PHKA1: variants seen among roughly 807,000 people sequenced by gnomAD.
The protein encoded by PHKA1 is phosphorylase b kinase regulatory subunit alpha, skeletal muscle isoform.
Under a neutral mutation model 110.2 loss-of-function variants are expected in PHKA1, and 60 were observed. The observed-to-expected ratio is 0.54, with a 90% confidence interval of 0.44 to 0.68. The LOEUF is 0.68. Among genes scored for constraint, PHKA1 ranks in the 30% least tolerant of loss-of-function variants. The pLI is 0.00. For missense variants in PHKA1, 801 were observed against 942.5 expected, an observed-to-expected ratio of 0.85 and a Z score of 1.97; for synonymous variants, 316 against 333.6, an observed-to-expected ratio of 0.95 and a Z score of 0.58.
chrX:72,616,881 T>G (rs2052905273), intron 21 of PHKA1, among the ~76,000 whole-genome samples: 1 of 111,761 alleles, frequency 8.9e-6, no homozygotes, highest in South Asian at 3.7e-4. Context: ...ACAAGGAAAT[T>G]AAACATGCTC....
intron 4 of PHKA1, among the ~76,000 whole-genome samples, chrX:72,685,513 T>C (rs141672827): frequency 2.1e-3 from 230 of 112,095 alleles, no homozygotes; most frequent in African/African-American, 7.0e-3. Flanking sequence ...TTTAAAGTTA[T>C]ATTAAAAAGC....
In PHKA1 at chrX:72,585,363, G is replaced by C. The variant is rs1314387572; in HGVS notation, c.3244-1061C>G. ...TTTTCATCTGTGGATGTAGAGTTTG[G>C]ATCACTTTTCAGAAATGGCAAGTGT... On this transcript the variant is annotated intron_variant, in intron 29 of 31. Transcript: ENST00000373542. Among the ~76,000 whole-genome samples the C allele has an allele frequency of 2.7e-5, 3 of 111,677 alleles. No individual in the cohort carries two copies. In the East Asian group the frequency reaches 8.4e-4, roughly 31 times the overall value.
At chrX:72,651,858 C>T (rs1473314316) in intron 12 of PHKA1, among the ~76,000 whole-genome samples, 2 of 111,681 alleles carry the variant, frequency 1.8e-5, no homozygotes, top group East Asian at 5.6e-4. Flanking sequence ...CCTCTAGGAG[C>T]CTGGGTTATA....
chrX:72,582,555 A>G lies in PHKA1; in HGVS notation c.3341T>C (p.Val1114Ala). ...EIKFSVHVES[V>A]LNRVPQPEYR... ...CTCTGGCTGAGGTACACGATTCAGG[A>G]CAGACTCCACATGAACAGAGAATTT... The change falls in exon 31 of 32, where the codon GTC becomes GCC. Residue 1114 changes from valine (V) to alanine (A), a missense_variant. Coordinates refer to ENST00000373542, the MANE Select transcript of PHKA1 (RefSeq NM_002637.4). 1 of 1,203,370 alleles carries G rather than the reference A, an allele frequency of 8.3e-7. No individual in the cohort carries two copies. Among genetic ancestry groups the G allele is most frequent in the South Asian group, 1.8e-5 (1 of 56,740 alleles).
chrX:72,703,889 A>G (rs2054241410), intron 3 of PHKA1, among the ~76,000 whole-genome samples: 1 of 111,819 alleles, frequency 8.9e-6, no homozygotes, highest in African/African-American at 3.3e-5. Context: ...TTCAGAAAAG[A>G]CAGGTAAGAT....
intron 21 of PHKA1, among the ~76,000 whole-genome samples, chrX:72,613,158 A>T (rs2052838059): frequency 8.9e-6 from 1 of 111,744 alleles, no homozygotes; most frequent in South Asian, 3.8e-4. Context: ...AAAAATTTTT[A>T]AATTTTTGTT....
intron 17 of PHKA1, among the ~76,000 whole-genome samples, chrX:72,625,808 G>A (rs1232019426): frequency 1.8e-5 from 2 of 111,381 alleles, no homozygotes; most frequent in Non-Finnish European, 3.8e-5. Flanking sequence ...TAGGATTACA[G>A]GTATGCACCA....
chrX:72,681,569 A>G (rs1603270383), intron 5 of PHKA1, among the ~76,000 whole-genome samples: 1 of 81,578 alleles, frequency 1.2e-5, no homozygotes. Flanking sequence ...CCGCCCGGCC[A>G]GCCGCCCCGT....
At chrX:72,618,331 T>C (rs1603256693) in intron 21 of PHKA1, among the ~76,000 whole-genome samples, 1 of 111,955 alleles carries the variant, frequency 8.9e-6, no homozygotes, top group African/African-American at 3.2e-5. Context: ...AAAATGTTAG[T>C]TTCTTTCTCC....
intron 18 of PHKA1, chrX:72,622,578 A>G: frequency 1.3e-6 from 1 of 753,454 alleles, no homozygotes; most frequent in Non-Finnish European, 1.6e-6. Flanking sequence ...TATTGCTAGA[A>G]GCCAATTAGA....
intron 2 of PHKA1, among the ~76,000 whole-genome samples, chrX:72,710,736 A>C (rs2054359457): frequency 8.9e-6 from 1 of 111,777 alleles, no homozygotes; most frequent in Non-Finnish European, 1.9e-5. Flanking sequence ...CTATGTGAAA[A>C]ATTATTTAAT....
chrX:72,631,444 C>A (rs781897957), intron 16 of PHKA1, among the ~76,000 whole-genome samples: 2 of 110,734 alleles, frequency 1.8e-5, no homozygotes, highest in Admixed American at 1.9e-4. Flanking sequence ...GCTGTGCAAG[C>A]GTGGAAGTCT....
intron 5 of PHKA1, among the ~76,000 whole-genome samples, chrX:72,680,645 C>T (rs1238070180): frequency 1.8e-4 from 20 of 108,569 alleles, no homozygotes; most frequent in African/African-American, 6.7e-4. Flanking sequence ...TGGCGCGCTG[C>T]GCTGCGGCCC....
intron 21 of PHKA1, among the ~76,000 whole-genome samples, chrX:72,616,307 A>G (rs782569352): frequency 1.3e-3 from 149 of 112,355 alleles, no homozygotes; most frequent in Non-Finnish European, 2.3e-3. Context: ...GTTTGAGACT[A>G]CAGTGAGCCA....
In PHKA1 at chrX:72,618,750, G is replaced by C. The variant is rs371446254; in HGVS notation, c.2329C>G (p.Gln777Glu). Reference protein sequence around the residue: ...VLQLKETSSLQEQADILYMLY... With the variant: ...VLQLKETSSLEEQADILYMLY... ...ATATAGAGGATATCAGCTTGTTCCT[G>C]TAAGCTTGAGGTCTCCTTCAACTGT... Residue 777 changes from glutamine (Q) to glutamate (E), a missense_variant, in exon 21 of 32, where the codon CAG (glutamine) becomes GAG (glutamate). Gln to Glu is a conservative substitution (Grantham distance 29, BLOSUM62 2). Coordinates refer to ENST00000373542, the MANE Select transcript of PHKA1 (RefSeq NM_002637.4). 1.7e-6 allele frequency: 2 copies of C among 1,195,743 alleles called. No individual in the cohort carries two copies. Among genetic ancestry groups the C allele is most frequent in the African/African-American group, 3.5e-5 (2 of 56,803 alleles).
intron 16 of PHKA1, among the ~76,000 whole-genome samples, chrX:72,628,888 AT>A (rs1556285054): frequency 9.1e-6 from 1 of 110,131 alleles, no homozygotes; most frequent in Non-Finnish European, 1.9e-5. Flanking sequence ...AACCTCCCAT[AT>A]TTTTTTCTAA....
At chrX:72,637,968 T>C (rs2053248360) in intron 14 of PHKA1, among the ~76,000 whole-genome samples, 1 of 111,677 alleles carries the variant, frequency 9.0e-6, no homozygotes, top group African/African-American at 3.3e-5. Flanking sequence ...TTAAGCCTAT[T>C]CTTAAGTATT....
chrX:72,642,906 T>C (rs1306077791), intron 14 of PHKA1, among the ~76,000 whole-genome samples: 2 of 112,059 alleles, frequency 1.8e-5, no homozygotes, highest in Non-Finnish European at 3.8e-5. Context: ...AATCATGTTA[T>C]ATTTGAATTT....
chrX:72,667,432 C>T lies in PHKA1; in HGVS notation c.660G>A (p.Val220=). Residue 220 remains valine, a synonymous_variant, in exon 7 of 32, where the codon GTG becomes GTA. Coordinates refer to ENST00000373542, the MANE Select transcript of PHKA1 (RefSeq NM_002637.4). ...EALDELDLFG[V]KGGPQSVIHV... is the part of the protein sequence containing the mutation. ...GGATAACTGATTGAGGCCCACCTTT[C>T]ACACCAAACAGATCCAGTTCATCTA... 8.3e-7 allele frequency: 1 copy of T among 1,210,662 alleles called. No homozygotes were observed. The highest frequency in any genetic ancestry group is 1.8e-5 in the South Asian group (1 of 56,934).
Sources: allele counts gnomAD v4.1 joint callset (sites outside exome capture counted in the v4.1 genomes callset), GRCh38; gene constraint gnomAD v4.1.1; transcripts MANE v1.5; gene names NCBI Gene and HGNC (gene_info 2026-07-23, HGNC 2026-07-21).